Variants in CSMD1 observed in about 807,000 individuals in gnomAD.
CSMD1 encodes CUB and sushi domain-containing protein 1.
A neutral mutation model predicts 417.5 loss-of-function variants in CSMD1; 213 were observed. The observed-to-expected ratio is 0.51, with a 90% CI of 0.46 to 0.57. CSMD1 has a LOEUF of 0.57. Ranked by LOEUF, CSMD1 falls within the 20% of genes least tolerant of loss-of-function variation. The pLI is 0.00. For missense variants in CSMD1, 6,923 were observed against 4,529.7 expected (o/e 1.53, Z -15.17); for synonymous variants, 2,862 against 1,736.8 (o/e 1.65, Z -16.11).
At chr8:3,519,596 C>A (rs1012695223) in intron 10 of CSMD1, among the ~76,000 whole-genome samples, 4 of 152,114 alleles carry the variant, frequency 2.6e-5, no homozygotes, top group Non-Finnish European at 5.9e-5. Flanking sequence ...ACCTTCAAAT[C>A]AGAAAGGGAT....
intron 2 of CSMD1, among the ~76,000 whole-genome samples, chr8:4,456,783 C>T (rs768160233): frequency 6.6e-6 from 1 of 151,974 alleles, no homozygotes; most frequent in Non-Finnish European, 1.5e-5. Context: ...TGACAACCTA[C>T]GAGGTAAGCT....
intron 54 of CSMD1, among the ~76,000 whole-genome samples, chr8:2,979,982 A>C (rs555926690): frequency 6.7e-4 from 102 of 152,198 alleles, no homozygotes; most frequent in Admixed American, 1.4e-3. Context: ...TTAACTTGAA[A>C]ATGTGATTAT....
At chr8:3,791,105 C>A (rs2623681) in intron 5 of CSMD1, among the ~76,000 whole-genome samples, 151,608 of 152,328 alleles carry the variant, frequency 1, 75,447 homozygotes, top group Middle Eastern at 1. Context: ...TGTGATGGAA[C>A]ACTTTATAAC....
intron 12 of CSMD1, among the ~76,000 whole-genome samples, chr8:3,410,912 G>A (rs551495090): frequency 2.0e-5 from 3 of 152,212 alleles, no homozygotes; most frequent in South Asian, 2.1e-4. Flanking sequence ...AGATAGAGGG[G>A]TATAGAGAGA....
intron 18 of CSMD1, among the ~76,000 whole-genome samples, chr8:3,369,694 G>T (rs1257333794): frequency 6.6e-6 from 1 of 152,184 alleles, no homozygotes; most frequent in South Asian, 2.1e-4. Context: ...CTTCTTAGCA[G>T]CACTTCATTG....
intron 1 of CSMD1, among the ~76,000 whole-genome samples, chr8:4,846,653 C>G (rs1037624381): frequency 6.6e-6 from 1 of 152,188 alleles, no homozygotes; most frequent in African/African-American, 2.4e-5. Flanking sequence ...AGGATGACAA[C>G]ATGGACTTGT....
chr8:2,959,282 C>T (rs1803267444), intron 62 of CSMD1, among the ~76,000 whole-genome samples: 1 of 152,138 alleles, frequency 6.6e-6, no homozygotes, highest in South Asian at 2.1e-4. Context: ...TTTTTGTATT[C>T]TTTGTAGAAA....
intron 1 of CSMD1, among the ~76,000 whole-genome samples, chr8:4,647,469 T>C (rs1432428935): frequency 2.0e-5 from 3 of 148,192 alleles, no homozygotes; most frequent in Non-Finnish European, 4.4e-5. Context: ...GCCTGCTACG[T>C]AGGTACGCGT....
At chr8:4,077,192 A>T (rs921906595) in intron 3 of CSMD1, among the ~76,000 whole-genome samples, 1 of 150,986 alleles carries the variant, frequency 6.6e-6, no homozygotes, top group Admixed American at 6.6e-5. Context: ...TGTAGAGAGA[A>T]GTCTCTAAAT....
chr8:3,876,886 G>C (rs1177161843), intron 5 of CSMD1, among the ~76,000 whole-genome samples: 2 of 152,210 alleles, frequency 1.3e-5, no homozygotes, highest in African/African-American at 4.8e-5. Flanking sequence ...TCATGCGTGG[G>C]ATTACAGGCA....
intron 1 of CSMD1, among the ~76,000 whole-genome samples, chr8:4,853,665 G>T (rs1476171846): frequency 1.3e-5 from 2 of 152,188 alleles, no homozygotes; most frequent in African/African-American, 4.8e-5. Flanking sequence ...ACTACCCAGT[G>T]GAGCTGTGGG....
chr8:4,425,935 C>A (rs1207793721), intron 2 of CSMD1, among the ~76,000 whole-genome samples: 1 of 151,942 alleles, frequency 6.6e-6, no homozygotes, highest in Non-Finnish European at 1.5e-5. Flanking sequence ...ACAAAAAATA[C>A]AAGCATGCTA....
chr8:3,299,259 C>A (rs558951294), intron 25 of CSMD1, among the ~76,000 whole-genome samples: 1 of 152,198 alleles, frequency 6.6e-6, no homozygotes, highest in South Asian at 2.1e-4. Context: ...CGAGACCAGC[C>A]TGGCCAATAT....
chr8:4,049,051 C>G (rs1798290400), intron 3 of CSMD1, among the ~76,000 whole-genome samples: 1 of 152,198 alleles, frequency 6.6e-6, no homozygotes, highest in Non-Finnish European at 1.5e-5. Context: ...CAACAACTCT[C>G]AAAACAGTCC....
intron 12 of CSMD1, among the ~76,000 whole-genome samples, chr8:3,430,098 C>T (rs1200925751): frequency 1.3e-5 from 2 of 152,098 alleles, no homozygotes; most frequent in Non-Finnish European, 2.9e-5. Context: ...CATATATACA[C>T]ACATGCACAT....
intron 1 of CSMD1, among the ~76,000 whole-genome samples, chr8:4,765,535 G>A (rs1585063947): frequency 1.3e-5 from 2 of 152,312 alleles, no homozygotes; most frequent in South Asian, 2.1e-4. Flanking sequence ...GGAAGGCAAA[G>A]AAAGAAATGG....
At chr8:4,269,359 C>T (rs1020077071) in intron 3 of CSMD1, among the ~76,000 whole-genome samples, 1 of 152,200 alleles carries the variant, frequency 6.6e-6, no homozygotes, top group Non-Finnish European at 1.5e-5. Context: ...AGCCACTGTG[C>T]CTGGCTCCAT....
chr8:4,368,909 G>T (rs1264903317), intron 3 of CSMD1, among the ~76,000 whole-genome samples: 1 of 151,782 alleles, frequency 6.6e-6, no homozygotes, highest in South Asian at 2.1e-4. Flanking sequence ...ATCAACTTTT[G>T]GTTTTATTGA....
intron 5 of CSMD1, among the ~76,000 whole-genome samples, chr8:3,956,014 C>G (rs909649850): frequency 1.2e-4 from 18 of 152,258 alleles, no homozygotes; most frequent in Admixed American, 9.8e-4. Flanking sequence ...AGGATGGTCT[C>G]GAACTCCTGA....
Sources: allele counts gnomAD v4.1 joint callset (sites outside exome capture counted in the v4.1 genomes callset), GRCh38; gene constraint gnomAD v4.1.1; transcripts MANE v1.5; gene names NCBI Gene and HGNC (gene_info 2026-07-23, HGNC 2026-07-21).